Variants in ADGRB3 observed in about 807,000 individuals in gnomAD.
ADGRB3 encodes the protein adhesion G protein-coupled receptor B3.
Under a neutral mutation model 193.4 loss-of-function variants are expected in ADGRB3, and 37 were observed. The observed-to-expected ratio is 0.19, with a 90% CI of 0.15 to 0.25. The LOEUF is 0.25. Among genes scored for constraint, ADGRB3 ranks in the 10% least tolerant of loss-of-function variants. The pLI, the probability that ADGRB3 is intolerant of heterozygous loss-of-function variation, is 1.00. For synonymous variants in ADGRB3, 690 were observed against 644.2 expected (o/e 1.07, Z -1.08); for missense variants, 1,637 against 1,852.9 (o/e 0.88, Z 2.14).
intron 17 of ADGRB3, among the ~76,000 whole-genome samples, chr6:69,097,261 T>C (rs1772908272): frequency 6.6e-6 from 1 of 152,244 alleles, no homozygotes; most frequent in Non-Finnish European, 1.5e-5. Flanking sequence ...AATGTATCTC[T>C]GGTTTTAAAC....
chr6:68,638,806 T>C lies in ADGRB3; in HGVS notation c.131T>C (p.Val44Ala). The C allele has an allele frequency of 6.2e-7, 1 of 1,614,130 alleles. No individual in the cohort carries two copies. The highest frequency in any genetic ancestry group is 8.5e-7 in the Non-Finnish European group (1 of 1,180,018). Residue 44 changes from valine (V) to alanine (A), a missense_variant, in exon 3 of 32, where the codon GTA (valine) becomes GCA (alanine). Physicochemically the swap from Val to Ala is moderately conservative, Grantham distance 64. Coordinates refer to ENST00000370598, the MANE Select transcript of ADGRB3 (RefSeq NM_001704.3). ...GGAGTCATTTATGGATCGTATTCTG[T>C]AAGTGAAATGTTTCCTAAAAACTTT... ...VKGVIYGSYS[V>A]SEMFPKNFTN...
chr6:69,254,339 C>T (rs1766700899), intron 20 of ADGRB3, among the ~76,000 whole-genome samples: 2 of 152,156 alleles, frequency 1.3e-5, no homozygotes, highest in South Asian at 4.1e-4. Context: ...AGACATTTAC[C>T]TATCTGTTAT....
chr6:69,323,165 T>C lies in ADGRB3; in HGVS notation c.2815-1707T>C, dbSNP rs189783376. Among the ~76,000 whole-genome samples, 263 of 152,144 alleles carry C rather than the reference T, an allele frequency of 1.7e-3. 2 individuals carry two copies. Among genetic ancestry groups the C allele is most frequent in the South Asian group, 1.5e-3 (7 of 4,826 alleles). ...ACATTTCAACATATTTACAGTTTGGTATAACTCTTTATTGACAGTTTAAAA... is the reference window on the plus strand; with the variant it reads ...ACATTTCAACATATTTACAGTTTGGCATAACTCTTTATTGACAGTTTAAAA... On this transcript the variant is annotated intron_variant, in intron 20 of 31. Transcript: ENST00000370598.
At chr6:69,156,594 A>G (rs1774845978) in intron 17 of ADGRB3, among the ~76,000 whole-genome samples, 1 of 152,198 alleles carries the variant, frequency 6.6e-6, no homozygotes, top group Admixed American at 6.5e-5. Flanking sequence ...TTCAGAAAGC[A>G]TTGAGAAGTC....
At chr6:69,211,171 A>G (rs1390202036) in intron 17 of ADGRB3, among the ~76,000 whole-genome samples, 1 of 152,124 alleles carries the variant, frequency 6.6e-6, no homozygotes, top group Non-Finnish European at 1.5e-5. Flanking sequence ...GACTTTCAGG[A>G]CATATTCTTA....
intron 4 of ADGRB3, among the ~76,000 whole-genome samples, chr6:68,933,857 AT>A (rs1767415587): frequency 6.6e-6 from 1 of 152,158 alleles, no homozygotes; most frequent in Non-Finnish European, 1.5e-5. Context: ...TCTGACTTTA[AT>A]TGCAATGCTT....
chr6:69,283,356 T>C (rs920347987), intron 20 of ADGRB3, among the ~76,000 whole-genome samples: 9 of 152,256 alleles, frequency 5.9e-5, no homozygotes, highest in Middle Eastern at 6.8e-3. Context: ...AATTTCATGC[T>C]TCACCCTTTT....
chr6:68,790,516 A>G (rs533235376), intron 3 of ADGRB3, among the ~76,000 whole-genome samples: 73 of 152,266 alleles, frequency 4.8e-4, no homozygotes, highest in Non-Finnish European at 8.8e-5. Context: ...ACCCCCGAGT[A>G]GCCTAACTGG....
At chr6:69,223,134 C>A (rs893389455) in intron 17 of ADGRB3, among the ~76,000 whole-genome samples, 1 of 152,120 alleles carries the variant, frequency 6.6e-6, no homozygotes, top group African/African-American at 2.4e-5. Flanking sequence ...ATACTGAGGA[C>A]TCCCATTTTC....
chr6:68,785,163 A>G (rs531165287), intron 3 of ADGRB3, among the ~76,000 whole-genome samples: 1 of 151,892 alleles, frequency 6.6e-6, no homozygotes. Flanking sequence ...TTAAAATTTT[A>G]TTATTATTGT....
At chr6:68,886,343 T>C (rs1765907371) in intron 3 of ADGRB3, among the ~76,000 whole-genome samples, 1 of 152,134 alleles carries the variant, frequency 6.6e-6, no homozygotes, top group South Asian at 2.1e-4. Flanking sequence ...ACTTCTTTAA[T>C]GTAATTCTTC....
intron 26 of ADGRB3, among the ~76,000 whole-genome samples, chr6:69,351,296 T>C (rs985223755): frequency 6.6e-6 from 1 of 151,548 alleles, no homozygotes; most frequent in Non-Finnish European, 1.5e-5. Context: ...GGTTTTGCCA[T>C]GTTCGCCAGG....
intron 3 of ADGRB3, among the ~76,000 whole-genome samples, chr6:68,641,247 T>C (rs761841953): frequency 1.3e-5 from 2 of 152,130 alleles, no homozygotes; most frequent in Non-Finnish European, 2.9e-5. Flanking sequence ...TGAAAGGTGG[T>C]AAGTGACAAA....
chr6:69,324,157 A>T (rs1271905109), intron 20 of ADGRB3, among the ~76,000 whole-genome samples: 1 of 152,180 alleles, frequency 6.6e-6, no homozygotes, highest in Non-Finnish European at 1.5e-5. Context: ...AGCACATTCA[A>T]GGTGATTAAG....
intron 17 of ADGRB3, among the ~76,000 whole-genome samples, chr6:69,145,196 G>A (rs1459215451): frequency 6.6e-6 from 1 of 152,200 alleles, no homozygotes; most frequent in African/African-American, 2.4e-5. Flanking sequence ...TGCCAAGCAT[G>A]TGGAGCAGCA....
chr6:69,145,534 G>A lies in ADGRB3; in HGVS notation c.2480+69496G>A, dbSNP rs189722869. 8.0e-3 allele frequency among the ~76,000 whole-genome samples: 1,224 copies of A among 152,286 alleles called. 18 individuals carry two copies. The highest frequency in any genetic ancestry group is 0.024 in the Middle Eastern group (7 of 294). ...GCCTGCAATGTGGTAAGCAAGGGGC[G>A]TGTTTCAGCTCCTTTTGTGTTACAG... On this transcript the variant is annotated intron_variant, in intron 17 of 31. Coordinates refer to ENST00000370598, the MANE Select transcript of ADGRB3 (RefSeq NM_001704.3).
intron 6 of ADGRB3, among the ~76,000 whole-genome samples, chr6:68,946,978 T>C (rs866608368): frequency 2.0e-5 from 3 of 152,084 alleles, no homozygotes; most frequent in South Asian, 2.1e-4. Flanking sequence ...CCCACTTCTT[T>C]TGAGGTGAGA....
chr6:68,896,721 A>G (rs1445302780), intron 3 of ADGRB3, among the ~76,000 whole-genome samples: 1 of 152,162 alleles, frequency 6.6e-6, no homozygotes, highest in African/African-American at 2.4e-5. Flanking sequence ...ATGTTATACT[A>G]GGAATTTTAA....
intron 3 of ADGRB3, among the ~76,000 whole-genome samples, chr6:68,661,742 G>C (rs1280297246): frequency 2.0e-5 from 3 of 150,538 alleles, no homozygotes; most frequent in Non-Finnish European, 4.5e-5. Flanking sequence ...TTGTGATCAG[G>C]GTGGAGGGAG....
Sources: allele counts gnomAD v4.1 joint callset (sites outside exome capture counted in the v4.1 genomes callset), GRCh38; gene constraint gnomAD v4.1.1; transcripts MANE v1.5; gene names NCBI Gene and HGNC (gene_info 2026-07-23, HGNC 2026-07-21).